The following ADGRD1 variants were observed in gnomAD, a reference collection of about 807,000 sequenced individuals.
The protein encoded by ADGRD1 is adhesion G protein-coupled receptor D1.
Under a neutral mutation model 113.4 loss-of-function variants are expected in ADGRD1, and 77 were observed. That is an observed-to-expected ratio of 0.68 (90% CI 0.57 to 0.82). The LOEUF (loss-of-function observed/expected upper bound fraction) is 0.82, where lower values mean the gene tolerates loss of function less well. ADGRD1 is among the 40% of genes least tolerant of loss of function. The pLI is 0.00. For missense variants in ADGRD1, 1,036 were observed against 1,139.1 expected, an observed-to-expected ratio of 0.91 and a Z score of 1.30; for synonymous variants, 474 against 475.0, an observed-to-expected ratio of 1.00 and a Z score of 0.03.
chr12:131,127,886 C>T (rs11611554), intron 20 of ADGRD1, among the ~76,000 whole-genome samples: 452 of 34,826 alleles, frequency 0.013, no homozygotes, highest in Middle Eastern at 0.04. Flanking sequence ...GTGATGGGAC[C>T]CTGAGCTCAG....
intron 8 of ADGRD1, chr12:130,994,194 A>T: frequency 2.4e-6 from 1 of 423,156 alleles, no homozygotes; most frequent in South Asian, 1.7e-5. Context: ...GAGCGGGTAT[A>T]GACAAGCTGG....
Position 131,139,403 on chromosome 12 carries a change from C to T in ADGRD1, c.*140C>T. ...TTGTGGCCCCGAGACAGCTGTCCTCCCCTGTGACTCTGGCTGTCGGAGCAC... is the reference window on the plus strand; with the variant it reads ...TTGTGGCCCCGAGACAGCTGTCCTCTCCTGTGACTCTGGCTGTCGGAGCAC... On this transcript the variant is annotated 3_prime_UTR_variant, in exon 25 of 25. Transcript: ENST00000261654. The T allele has an allele frequency of 1.6e-6, 1 of 640,528 alleles. No individual in the cohort carries two copies. The highest frequency in any genetic ancestry group is 2.3e-5 in the Admixed American group (1 of 42,792). 39.7% of individuals were successfully genotyped at this position (640,528 alleles called of 1,614,324 possible). A position where few individuals can be genotyped will look rare whatever the true frequency, so the allele number is the denominator to read the frequency against.
chr12:131,054,966 C>T (rs536430793), intron 13 of ADGRD1, among the ~76,000 whole-genome samples: 67 of 152,346 alleles, frequency 4.4e-4, no homozygotes, highest in African/African-American at 1.5e-3. Context: ...TGAGTCCGGT[C>T]TTGTTACACT....
At chr12:131,100,897 G>C (rs1002688686) in intron 15 of ADGRD1, among the ~76,000 whole-genome samples, 1 of 152,224 alleles carries the variant, frequency 6.6e-6, no homozygotes, top group Non-Finnish European at 1.5e-5. Flanking sequence ...AATCAGTGAT[G>C]TAGATTTAGG....
intron 15 of ADGRD1, among the ~76,000 whole-genome samples, chr12:131,101,210 A>G (rs1236490834): frequency 6.6e-6 from 1 of 151,798 alleles, no homozygotes. Flanking sequence ...GGGAGGAGCC[A>G]GGGCTTTGTG....
At chr12:130,996,710 A>C (rs1463803140) in intron 8 of ADGRD1, among the ~76,000 whole-genome samples, 2 of 54,384 alleles carry the variant, frequency 3.7e-5, no homozygotes, top group East Asian at 4.8e-4. Context: ...CGGGGGGCTG[A>C]CCCCCCCACC....
intron 20 of ADGRD1, among the ~76,000 whole-genome samples, chr12:131,122,539 A>G (rs1262586538): frequency 5.3e-5 from 8 of 152,156 alleles, no homozygotes; most frequent in Non-Finnish European, 1.0e-4. Context: ...CATTTTGCCA[A>G]CCAACATGCA....
intron 15 of ADGRD1, among the ~76,000 whole-genome samples, chr12:131,097,226 G>A (rs1185508518): frequency 6.6e-6 from 1 of 152,206 alleles, no homozygotes; most frequent in East Asian, 1.9e-4. Flanking sequence ...GCGGCCAGGG[G>A]AGACAGCAGG....
intron 15 of ADGRD1, among the ~76,000 whole-genome samples, chr12:131,095,989 G>A (rs140043980): frequency 7.0e-4 from 98 of 139,684 alleles, no homozygotes; most frequent in Middle Eastern, 7.3e-3. Flanking sequence ...CACGGCCACC[G>A]TTCCCGCCTC....
In ADGRD1 at chr12:130,992,167, C is replaced by T. The variant is rs1002983504; in HGVS notation, c.811-70C>T. ...AAAAAGCATTCGACCCAGAGTAGGA[C>T]ACATTAAACTTCTGTATAATATTTT... On this transcript the variant is annotated intron_variant, in intron 7 of 24. Transcript: ENST00000261654. 2.7e-6 allele frequency: 3 copies of T among 1,119,280 alleles called. No individual in the cohort carries two copies. The African/African-American group carries it at 4.7e-5, about 18-fold the overall frequency. 69.3% of individuals were successfully genotyped at this position (1,119,280 alleles called of 1,614,324 possible).
chr12:130,997,194 C>CCA (rs1299426904), intron 8 of ADGRD1, among the ~76,000 whole-genome samples: 1 of 141,464 alleles, frequency 7.1e-6, no homozygotes, highest in African/African-American at 2.6e-5. Flanking sequence ...GCTGACCCCC[C>CCA]CCCCCGGACG....
At chr12:131,130,558 C>T (rs1028291050) in intron 20 of ADGRD1, among the ~76,000 whole-genome samples, 1 of 152,164 alleles carries the variant, frequency 6.6e-6, no homozygotes, top group South Asian at 2.1e-4. Context: ...GGGAGCTGCG[C>T]GAGGAGGAAG....
At chr12:131,134,774 C>T (rs1247720447) in intron 21 of ADGRD1, among the ~76,000 whole-genome samples, 3 of 152,250 alleles carry the variant, frequency 2.0e-5, no homozygotes, top group Non-Finnish European at 2.9e-5. Context: ...AGCACTGCTG[C>T]ATGGCCGTCC....
intron 14 of ADGRD1, among the ~76,000 whole-genome samples, chr12:131,078,122 C>T (rs1049439705): frequency 3.9e-5 from 6 of 152,242 alleles, no homozygotes; most frequent in African/African-American, 1.4e-4. Context: ...CAGGCTGTGC[C>T]ACCTCTGCTG....
At chr12:131,065,948 G>T (rs1884689479) in intron 13 of ADGRD1, among the ~76,000 whole-genome samples, 2 of 152,108 alleles carry the variant, frequency 1.3e-5, no homozygotes, top group African/African-American at 4.8e-5. Context: ...TCTCAGGAAC[G>T]CTGGGGACCT....
chr12:131,108,526 G>GA (rs1950282589), intron 17 of ADGRD1, among the ~76,000 whole-genome samples, 198 bp from the exon 18 acceptor site: 1 of 152,134 alleles, frequency 6.6e-6, no homozygotes. Context: ...GGGCAACATG[G>GA]TGCTGTAATT....
chr12:130,981,931 C>A lies in ADGRD1; in HGVS notation c.358C>A (p.Pro120Thr), dbSNP rs757045872. The A allele has an allele frequency of 3.1e-6, 5 of 1,613,782 alleles. No homozygotes were observed. The Admixed American group carries it at 6.7e-5, about 22-fold the overall frequency. The change falls in exon 5 of 25, where the codon CCA (proline) becomes ACA (threonine). Residue 120 changes from proline to threonine, a missense_variant. Pro to Thr is a conservative substitution (Grantham distance 38). Coordinates refer to ENST00000261654, the MANE Select transcript of ADGRD1 (RefSeq NM_198827.5). ...GAAGACACAAGGAGAACAGTCTAGACCAATCCCTTCTGCGTATGGGGGACA... is the reference window on the plus strand; with the variant it reads ...GAAGACACAAGGAGAACAGTCTAGAACAATCCCTTCTGCGTATGGGGGACA... ...FWKTQGEQSR[P>T]IPSAYGGQVI... is the part of the protein sequence containing the mutation.
chr12:130,984,609 C>T lies in ADGRD1; in HGVS notation c.491-2486C>T, dbSNP rs1037176509. On this transcript the variant is annotated intron_variant, in intron 5 of 24. Coordinates refer to ENST00000261654, the MANE Select transcript of ADGRD1 (RefSeq NM_198827.5). The surrounding 1 kb of genome is among the most constrained non-coding windows in gnomAD (Gnocchi z 4.1). ...CCCCACCAGAATGATCCATTTGTTA[C>T]ATGTGATGAACCTACAGTGACACAT... 6.6e-6 allele frequency among the ~76,000 whole-genome samples: 1 copy of T among 152,082 alleles called. No individual in the cohort carries two copies. Among genetic ancestry groups the T allele is most frequent in the African/African-American group, 2.4e-5 (1 of 41,398 alleles).
At chr12:131,111,943 C>G (rs1209438388) in intron 18 of ADGRD1, among the ~76,000 whole-genome samples, 1 of 152,082 alleles carries the variant, frequency 6.6e-6, no homozygotes, top group Non-Finnish European at 1.5e-5. Flanking sequence ...AGCCTTCTCA[C>G]AGGCAGTTTC....
Sources: gnomAD v4.1 joint callset for allele counts (sites outside exome capture counted in the v4.1 genomes callset) on GRCh38, gnomAD v4.1.1 for gene constraint, Gnocchi (gnomAD v3.1) non-coding constraint, MANE v1.5 for transcripts, NCBI Gene and HGNC (gene_info 2026-07-23, HGNC 2026-07-21) for gene names.